DYRK1A: variants seen among roughly 807,000 people sequenced by gnomAD.
DYRK1A encodes dual specificity tyrosine-phosphorylation-regulated kinase 1A.
In DYRK1A, 9 loss-of-function variants were observed where a neutral mutation model predicts 79.7. The ratio of observed to expected loss-of-function variants is 0.11; its 90% CI spans 0.07 to 0.20. The LOEUF is 0.20. DYRK1A is among the 10% of genes least tolerant of loss of function. The pLI is 1.00. For missense variants in DYRK1A, 622 were observed against 956.0 expected, an observed-to-expected ratio of 0.65 and a Z score of 4.61; for synonymous variants, 349 against 329.7, an observed-to-expected ratio of 1.06 and a Z score of -0.63.
intron 6 of DYRK1A, among the ~76,000 whole-genome samples, chr21:37,489,072 A>G (rs1000931001): frequency 6.6e-6 from 1 of 152,140 alleles, no homozygotes; most frequent in African/African-American, 2.4e-5. Flanking sequence ...TCTAAAAGCA[A>G]TATTGATGTT....
chr21:37,475,486 A>G (rs898594981), intron 3 of DYRK1A, among the ~76,000 whole-genome samples: 1 of 152,238 alleles, frequency 6.6e-6, no homozygotes, highest in Non-Finnish European at 1.5e-5. Flanking sequence ...GATATGTACT[A>G]ATGGCATCAC....
intron 3 of DYRK1A, among the ~76,000 whole-genome samples, chr21:37,473,614 GA>G (rs1255343087): frequency 6.6e-6 from 1 of 152,132 alleles, no homozygotes; most frequent in Non-Finnish European, 1.5e-5. Flanking sequence ...CATGGACTTA[GA>G]AATTTGGTTT....
intron 11 of DYRK1A, 83 bp downstream of exon 11, chr21:37,506,306 G>T: frequency 1.2e-6 from 2 of 1,611,462 alleles, no homozygotes; most frequent in South Asian, 2.2e-5. Flanking sequence ...CCTTTAGAAT[G>T]ACCGTATCAT....
At chr21:37,411,762 A>G (rs553897258) in intron 1 of DYRK1A, among the ~76,000 whole-genome samples, 1 of 152,352 alleles carries the variant, frequency 6.6e-6, no homozygotes, top group South Asian at 2.1e-4. Flanking sequence ...GAATACAGAT[A>G]AGAATGACAA....
chr21:37,386,434 T>C (rs1038943413), intron 1 of DYRK1A, among the ~76,000 whole-genome samples: 1 of 152,168 alleles, frequency 6.6e-6, no homozygotes, highest in African/African-American at 2.4e-5. Flanking sequence ...ATGGACGAAA[T>C]TGAAGACACC....
In DYRK1A at chr21:37,501,166, G is replaced by GTTTTTTTTT. The variant is rs34646709; in HGVS notation, c.1213-4102_1213-4094dup. 1.8e-4 allele frequency among the ~76,000 whole-genome samples: 17 copies of GTTTTTTTTT among 93,976 alleles called. 2 individuals are homozygous for GTTTTTTTTT. Among genetic ancestry groups the GTTTTTTTTT allele is most frequent in the African/African-American group, 7.5e-4 (16 of 21,362 alleles). 61.7% of individuals were successfully genotyped at this position (93,976 alleles called of 152,430 possible). A position where few individuals can be genotyped will look rare whatever the true frequency, so the allele number is the denominator to read the frequency against. ...TTATATGTTTTTTTTGTTGTTGTTG[G>GTTTTTTTTT]TTTTTTTTTTTTTTTTTTTTTTTAA... On this transcript the variant is annotated intron_variant, in intron 9 of 11. Transcript: ENST00000647188.
At chr21:37,371,539 A>G (rs1188814772) in intron 1 of DYRK1A, among the ~76,000 whole-genome samples, 1 of 152,162 alleles carries the variant, frequency 6.6e-6, no homozygotes, top group African/African-American at 2.4e-5. Context: ...CTAATGTAGA[A>G]CCATTTTGGT....
intron 8 of DYRK1A, among the ~76,000 whole-genome samples, chr21:37,494,092 A>ATGT (rs1454313525): frequency 1.3e-5 from 2 of 151,842 alleles, no homozygotes; most frequent in Non-Finnish European, 2.9e-5. Context: ...ATGTTTCACC[A>ATGT]TGTTGGCCAG....
At chr21:37,498,652 C>T (rs2053347320) in intron 9 of DYRK1A, among the ~76,000 whole-genome samples, 1 of 152,114 alleles carries the variant, frequency 6.6e-6, no homozygotes, top group African/African-American at 2.4e-5. Context: ...CTGCAGGGAA[C>T]AGTCTTTTAT....
Position 37,414,450 on chromosome 21 carries a change from A to G in DYRK1A, c.-76-5849A>G, listed in dbSNP as rs113399514. 1.2e-3 allele frequency among the ~76,000 whole-genome samples: 184 copies of G among 152,216 alleles called. 1 individual carries two copies. The highest frequency in any genetic ancestry group is 4.3e-3 in the African/African-American group (177 of 41,524). On this transcript the variant is annotated intron_variant, in intron 1 of 11. Transcript: ENST00000647188. ...ATAGTGGTACTTACTTTTTGTAATTATGGGGTTTAGTGGTTTAAAGTAGAA... is the reference window on the plus strand; with the variant it reads ...ATAGTGGTACTTACTTTTTGTAATTGTGGGGTTTAGTGGTTTAAAGTAGAA...
chr21:37,456,637 C>A (rs1478130935), intron 2 of DYRK1A, among the ~76,000 whole-genome samples: 3 of 152,126 alleles, frequency 2.0e-5, no homozygotes, highest in Non-Finnish European at 4.4e-5. Flanking sequence ...GTGTCTTGAG[C>A]ACTTTCCCAC....
chr21:37,373,356 A>G (rs921820649), intron 1 of DYRK1A, among the ~76,000 whole-genome samples: 2 of 152,248 alleles, frequency 1.3e-5, no homozygotes, highest in African/African-American at 4.8e-5. Flanking sequence ...ACTTAAGAGT[A>G]TAGAATTTTA....
chr21:37,420,938 A>C (rs901336606), intron 2 of DYRK1A, among the ~76,000 whole-genome samples: 2 of 152,060 alleles, frequency 1.3e-5, no homozygotes, highest in African/African-American at 4.8e-5. Flanking sequence ...TATACAGAAG[A>C]AGCAGTGTGA....
intron 3 of DYRK1A, 74 bp from the exon 4 acceptor site, chr21:37,478,134 A>T (rs766584438): frequency 1.3e-6 from 2 of 1,593,514 alleles, no homozygotes; most frequent in African/African-American, 2.7e-5. Flanking sequence ...CAGAAGAGGG[A>T]ATTTATATCT....
At chr21:37,370,420 G>T (rs1414518998) in intron 1 of DYRK1A, among the ~76,000 whole-genome samples, 1 of 152,060 alleles carries the variant, frequency 6.6e-6, no homozygotes, top group Non-Finnish European at 1.5e-5. Context: ...TTATAGGCGA[G>T]AAGGGAATTG....
At chr21:37,404,329 ATTTCT>A (rs1487754341) in intron 1 of DYRK1A, among the ~76,000 whole-genome samples, 1 of 152,132 alleles carries the variant, frequency 6.6e-6, no homozygotes, top group East Asian at 1.9e-4. Context: ...TGTTAATGAG[ATTTCT>A]TGTCTGTGGC....
At chr21:37,490,558 T>C (rs2053053852) in intron 7 of DYRK1A, 97 bp downstream of exon 7, 2 of 1,096,820 alleles carry the variant, frequency 1.8e-6, no homozygotes, top group Non-Finnish European at 2.4e-6. Flanking sequence ...AATTGCGGTT[T>C]TCGCCATTGC....
intron 2 of DYRK1A, among the ~76,000 whole-genome samples, chr21:37,445,603 A>G (rs1225374371): frequency 6.6e-6 from 1 of 152,096 alleles, no homozygotes; most frequent in Non-Finnish European, 1.5e-5. Flanking sequence ...TTTCTATTTC[A>G]TTTGGTTTAT....
chr21:37,441,136 A>G (rs2051089854), intron 2 of DYRK1A, among the ~76,000 whole-genome samples: 2 of 152,160 alleles, frequency 1.3e-5, no homozygotes, highest in Admixed American at 6.5e-5. Flanking sequence ...CACTTTTATC[A>G]TTGGAAAATA....
Sources: gnomAD v4.1 joint callset for allele counts (sites outside exome capture counted in the v4.1 genomes callset) on GRCh38, gnomAD v4.1.1 for gene constraint, MANE v1.5 for transcripts, NCBI Gene and HGNC (gene_info 2026-07-23, HGNC 2026-07-21) for gene names.